The following MERTK variants were observed in gnomAD, a reference collection of about 807,000 sequenced individuals.
MERTK encodes MER proto-oncogene, tyrosine kinase.
A neutral mutation model predicts 99.3 loss-of-function variants in MERTK; 69 were observed. The ratio of observed to expected loss-of-function variants is 0.70; its 90% confidence interval spans 0.57 to 0.85. The LOEUF (loss-of-function observed/expected upper bound fraction) is 0.85. Among genes scored for constraint, MERTK ranks in the 40% least tolerant of loss-of-function variants. The pLI, the probability that MERTK is intolerant of heterozygous loss-of-function variation, is 0.00. For synonymous variants in MERTK, 426 were observed against 467.6 expected (o/e 0.91, Z 1.15); for missense variants, 1,125 against 1,249.4 (o/e 0.90, Z 1.50).
chr2:111,960,922 G>C (rs916249878), intron 4 of MERTK, among the ~76,000 whole-genome samples: 2 of 151,524 alleles, frequency 1.3e-5, no homozygotes, highest in Non-Finnish European at 2.9e-5. Context: ...TTCTCTAGGA[G>C]TAATACAAGC....
At chr2:111,957,276 A>C (rs1398767764) in intron 4 of MERTK, among the ~76,000 whole-genome samples, 1 of 151,974 alleles carries the variant, frequency 6.6e-6, no homozygotes, top group Non-Finnish European at 1.5e-5. Flanking sequence ...ATCCTGATAC[A>C]AGTCAGATCA....
At chr2:112,019,580 G>A (rs1677290822) in intron 16 of MERTK, 58 bp downstream of exon 16, 17 of 1,302,686 alleles carry the variant, frequency 1.3e-5, no homozygotes, top group Middle Eastern at 1.9e-4. Flanking sequence ...GGTCTTTGCA[G>A]GGTTAGTGAG....
chr2:111,916,382 A>G (rs1684349958), intron 1 of MERTK, among the ~76,000 whole-genome samples: 2 of 152,144 alleles, frequency 1.3e-5, no homozygotes, highest in African/African-American at 4.8e-5. Flanking sequence ...GTAGTCCCAG[A>G]GACTCTATTC....
chr2:112,015,470 T>TA (rs1353320694), intron 15 of MERTK, among the ~76,000 whole-genome samples: 1 of 152,206 alleles, frequency 6.6e-6, no homozygotes, highest in African/African-American at 2.4e-5. Flanking sequence ...TTGCCATCCT[T>TA]ACATCCGCTT....
intron 6 of MERTK, among the ~76,000 whole-genome samples, chr2:111,974,769 C>CAAAAAAAA (rs35594851): frequency 5.2e-4 from 28 of 53,344 alleles, no homozygotes; most frequent in African/African-American, 1.2e-3. Flanking sequence ...AGGTCCATCT[C>CAAAAAAAA]AAAAAAAAAA....
chr2:111,929,184 C>T lies in MERTK; in HGVS notation c.126C>T (p.Ser42=), dbSNP rs1292975350. Residue 42 remains serine (S), a synonymous_variant, in exon 2 of 19, where the codon AGC becomes AGT. Transcript: ENST00000295408. ...YPLFPGPFPG[S]LQTDHTPLLS... Reference sequence around the variant, plus strand: ...TATTCCCGGGACCTTTTCCAGGGAGCCTGCAAACTGACCACACACCGCTGT... The same window carrying T: ...TATTCCCGGGACCTTTTCCAGGGAGTCTGCAAACTGACCACACACCGCTGT... 6.2e-7 allele frequency: 1 copy of T among 1,614,188 alleles called. No homozygotes were observed.
intron 1 of MERTK, among the ~76,000 whole-genome samples, chr2:111,926,704 C>T (rs1423155391): frequency 6.6e-6 from 1 of 152,154 alleles, no homozygotes. Context: ...TCCACTCCAG[C>T]CTGGTGACAG....
chr2:111,965,068 CT>C, intron 4 of MERTK, 122 bp from the exon 5 acceptor site: 1 of 928,308 alleles, frequency 1.1e-6, no homozygotes. Context: ...TTTAAATTAA[CT>C]TTGCACTAAT....
intron 2 of MERTK, among the ~76,000 whole-genome samples, chr2:111,938,773 A>G (rs1057415499): frequency 6.6e-6 from 1 of 152,046 alleles, no homozygotes; most frequent in Non-Finnish European, 1.5e-5. Context: ...ACTATTCAAA[A>G]AGTCTTTTTT....
At chr2:112,011,108 C>T (rs1281495767) in intron 15 of MERTK, among the ~76,000 whole-genome samples, 1 of 152,210 alleles carries the variant, frequency 6.6e-6, no homozygotes, top group Non-Finnish European at 1.5e-5. Context: ...TAGCTGCCAT[C>T]AGTATGAGGA....
chr2:111,914,619 C>T (rs891082694), intron 1 of MERTK, among the ~76,000 whole-genome samples: 6 of 151,958 alleles, frequency 3.9e-5, no homozygotes, highest in Non-Finnish European at 5.9e-5. Context: ...CCCCCATGAG[C>T]GAATATTGAA....
At chr2:111,975,973 G>C (rs1676239265) in intron 7 of MERTK, among the ~76,000 whole-genome samples, 2 of 143,894 alleles carry the variant, frequency 1.4e-5, no homozygotes. Context: ...CCAGCCTTTA[G>C]ATGCCAATCA....
intron 1 of MERTK, among the ~76,000 whole-genome samples, chr2:111,909,351 C>G (rs1573562076): frequency 6.6e-6 from 1 of 152,156 alleles, no homozygotes; most frequent in African/African-American, 2.4e-5. Flanking sequence ...CAGGCCTTTC[C>G]TGGGCCTTGA....
chr2:111,938,144 A>T (rs1684796419), intron 2 of MERTK, among the ~76,000 whole-genome samples: 2 of 152,114 alleles, frequency 1.3e-5, no homozygotes, highest in African/African-American at 4.8e-5. Flanking sequence ...TGGTGCGATC[A>T]CGGCTTATTG....
At chr2:111,940,815 T>C (rs1308568177) in intron 2 of MERTK, 1 of 1,021,266 alleles carries the variant, frequency 9.8e-7, no homozygotes, top group South Asian at 1.3e-5. Context: ...CTTGTCGATC[T>C]TGAATCTTTA....
At chr2:111,939,654 A>ATTTTTTT (rs1184269274) in intron 2 of MERTK, among the ~76,000 whole-genome samples, 89 of 88,250 alleles carry the variant, frequency 1.0e-3, no homozygotes, top group Non-Finnish European at 1.2e-3. Context: ...CTAATTTTTA[A>ATTTTTTT]TTTTTTTTTT....
At chr2:112,023,679 C>A (rs901922581) in intron 18 of MERTK, among the ~76,000 whole-genome samples, 6 of 152,150 alleles carry the variant, frequency 3.9e-5, no homozygotes, top group African/African-American at 1.4e-4. Context: ...AAAATAATTT[C>A]TTGTGGCATT....
At chr2:111,927,131 C>T (rs1342116938) in intron 1 of MERTK, among the ~76,000 whole-genome samples, 1 of 152,202 alleles carries the variant, frequency 6.6e-6, no homozygotes, top group African/African-American at 2.4e-5. Flanking sequence ...AAAAGTCTTC[C>T]TGTATCCTTG....
At chr2:111,977,166 G>A (rs1676270519) in intron 7 of MERTK, among the ~76,000 whole-genome samples, 1 of 152,108 alleles carries the variant, frequency 6.6e-6, no homozygotes, top group African/African-American at 2.4e-5. Flanking sequence ...CCTTCTTCCT[G>A]AAGAACTTTT....
Sources: gnomAD v4.1 joint callset for allele counts (sites outside exome capture counted in the v4.1 genomes callset) on GRCh38, gnomAD v4.1.1 for gene constraint, MANE v1.5 for transcripts, NCBI Gene and HGNC (gene_info 2026-07-23, HGNC 2026-07-21) for gene names.